The following MLYCD variants were observed in gnomAD, a reference collection of about 807,000 sequenced individuals.
MLYCD encodes malonyl-CoA decarboxylase, mitochondrial.
Under a neutral mutation model 35.8 loss-of-function variants are expected in MLYCD, and 27 were observed. The observed-to-expected ratio is 0.75, with a 90% CI of 0.56 to 1.04. The LOEUF is 1.04. Ranked by LOEUF, MLYCD falls within the 50% of genes least tolerant of loss-of-function variation. The probability of loss-of-function intolerance (pLI) is 0.00; values close to 1 mark genes in which losing one functional copy is unlikely to be tolerated. For missense variants in MLYCD, 917 were observed against 665.1 expected (o/e 1.38, Z -4.17); for synonymous variants, 403 against 302.4 (o/e 1.33, Z -3.45).
rs746261094 is a variant in MLYCD at position 83,899,623 on chromosome 16, A to C, written c.479A>C (p.Asp160Ala). 3 of 1,568,530 alleles carry C rather than the reference A, an allele frequency of 1.9e-6. No individual in the cohort carries two copies. Among genetic ancestry groups the C allele is most frequent in the Non-Finnish European group, 2.6e-6 (3 of 1,166,372 alleles). The change falls in exon 1 of 5, where the codon GAC becomes GCC. Residue 160 changes from aspartate to alanine, a missense_variant. Transcript: ENST00000262430. ...GVRFLVQLRA[D>A]LLEAQALKLV... ...CGCTTCCTGGTGCAGCTGCGGGCCGACCTGCTGGAGGCGCAGGCCCTCAAG... is the reference window on the plus strand; with the variant it reads ...CGCTTCCTGGTGCAGCTGCGGGCCGCCCTGCTGGAGGCGCAGGCCCTCAAG...
In MLYCD at chr16:83,914,647, C is replaced by T. The variant is rs577970006; in HGVS notation, c.949-309C>T. ...AAATATTTCCTGCTGGGTGTGGCGG[C>T]GCGAGCCTGTGGTCCCAGCTACTCA... On this transcript the variant is annotated intron_variant, in intron 4 of 4. Coordinates refer to ENST00000262430, the MANE Select transcript of MLYCD (RefSeq NM_012213.3). 6.3e-4 allele frequency: 262 copies of T among 415,602 alleles called. 1 individual carries two copies. The highest frequency in any genetic ancestry group is 4.7e-3 in the African/African-American group (231 of 49,144). 25.7% of individuals were successfully genotyped at this position (415,602 alleles called of 1,614,324 possible). A position where few individuals can be genotyped will look rare whatever the true frequency, so the allele number is the denominator to read the frequency against.
intron 1 of MLYCD, among the ~76,000 whole-genome samples, chr16:83,904,708 C>T (rs1272000207): frequency 6.6e-6 from 1 of 152,236 alleles, no homozygotes; most frequent in Non-Finnish European, 1.5e-5. Context: ...TCTGGTCCAG[C>T]TGTCTATCTA....
At chr16:83,902,131 A>ATATG (rs1555537754) in intron 1 of MLYCD, among the ~76,000 whole-genome samples, 10,579 of 126,426 alleles carry the variant, frequency 0.084, 479 homozygotes, top group Non-Finnish European at 0.098. Flanking sequence ...GTATGTGTAT[A>ATATG]TGTGTGTGTG....
At position 83,923,741 on chromosome 16, in the gene MLYCD, C is replaced by G. The variant is rs997601730; in HGVS notation, c.*8252C>G. 1 of 152,344 alleles carries G rather than the reference C, an allele frequency of 6.6e-6. No homozygotes were observed. The highest frequency in any genetic ancestry group is 6.5e-5 in the Admixed American group (1 of 15,286). 9.4% of individuals were successfully genotyped at this position (152,344 alleles called of 1,614,324 possible). A position where few individuals can be genotyped will look rare whatever the true frequency, so the allele number is the denominator to read the frequency against. ...AGTTGGGACTCAAACCCAGGCCCGA[C>G]CACCACCCAGCTCTCCTTCCACCGC... is the stretch of plus-strand genomic sequence containing the variant. On this transcript the variant is annotated 3_prime_UTR_variant, in exon 5 of 5. Transcript: ENST00000262430.
At chr16:83,912,899 T>G in intron 4 of MLYCD, 1 of 192,966 alleles carries the variant, frequency 5.2e-6, no homozygotes, top group East Asian at 1.2e-4. Context: ...TTAATCTAAC[T>G]CTCCTCTCTT....
chr16:83,921,641 A>G lies in MLYCD; in HGVS notation c.*6152A>G, dbSNP rs925811069. 6.6e-6 allele frequency: 1 copy of G among 152,156 alleles called. No homozygotes were observed. The highest frequency in any genetic ancestry group is 2.4e-5 in the African/African-American group (1 of 41,422). 9.4% of individuals were successfully genotyped at this position (152,156 alleles called of 1,614,324 possible). On this transcript the variant is annotated 3_prime_UTR_variant, in exon 5 of 5. Transcript: ENST00000262430. The stretch of plus-strand genomic sequence containing the variant: ...CCCTCTATGATACTGCACTGAACCA[A>G]TATTCCCCTCACTTCATGGGTGTTA...
In MLYCD at chr16:83,915,789, G is replaced by A. The variant is rs1282858728; in HGVS notation, c.*300G>A. The stretch of plus-strand genomic sequence containing the variant: ...CTCCCTGCCCGGGGCTGGTGCTGTG[G>A]TACCTACATCTTCAGGAAGCTGTGC... On this transcript the variant is annotated 3_prime_UTR_variant, in exon 5 of 5. Transcript: ENST00000262430. 5 of 1,299,486 alleles carry A rather than the reference G, an allele frequency of 3.8e-6. No homozygotes were observed. The highest frequency in any genetic ancestry group is 4.9e-6 in the Non-Finnish European group (5 of 1,014,550). 80.5% of individuals were successfully genotyped at this position (1,299,486 alleles called of 1,614,324 possible).
At chr16:83,912,491 G>A (rs1907216150) in intron 4 of MLYCD, 124 bp downstream of exon 4, 1 of 1,346,110 alleles carries the variant, frequency 7.4e-7, no homozygotes, top group South Asian at 1.2e-5. Flanking sequence ...GAGGGGCAGG[G>A]GGTAGAAAAG....
Position 83,915,202 on chromosome 16 carries a change from A to T in MLYCD, c.1195A>T (p.Met399Leu). The T allele has an allele frequency of 1.9e-6, 3 of 1,614,088 alleles. No individual in the cohort carries two copies. The highest frequency in any genetic ancestry group is 2.5e-6 in the Non-Finnish European group (3 of 1,179,916). ...GGTGCGGGCGCTGCAGACTCCGCTG[A>T]TGAGGCTGTGCGCCTGGTACCTGTA... ...KLVRALQTPL[M>L]RLCAWYLYGE... Residue 399 changes from methionine (M) to leucine (L), a missense_variant, in exon 5 of 5, where the codon ATG becomes TTG. Physicochemically the swap from Met to Leu is conservative, Grantham distance 15. Transcript: ENST00000262430.
intron 4 of MLYCD, chr16:83,914,215 A>C: frequency 6.5e-6 from 1 of 152,854 alleles, no homozygotes; most frequent in Non-Finnish European, 1.5e-5. Flanking sequence ...TGAGATCTCT[A>C]TCTAGTTGGG....
Position 83,915,406 on chromosome 16 carries a change from T to G in MLYCD, c.1399T>G (p.Ser467Ala). The change falls in exon 5 of 5, where the codon TCC becomes GCC. Residue 467 changes from serine to alanine, a missense_variant. Physicochemically the swap from Ser to Ala is moderately conservative, Grantham distance 99 (BLOSUM62 1). Transcript: ENST00000262430. ...FLEETGPNST[S>A]YLGSKIIKAS... is the part of the protein sequence containing the mutation. ...GGAGGAGACGGGCCCCAACAGCACC[T>G]CCTACCTCGGCTCCAAGATCATCAA... 6.2e-7 allele frequency: 1 copy of G among 1,613,820 alleles called. No homozygotes were observed. The highest frequency in any genetic ancestry group is 8.5e-7 in the Non-Finnish European group (1 of 1,180,040).
At position 83,899,216 on chromosome 16, in the gene MLYCD, GC is replaced by G; in HGVS notation, c.76del (p.Arg26GlyfsTer47). The G allele has an allele frequency of 8.2e-7, 1 of 1,215,410 alleles. No individual in the cohort carries two copies. Among genetic ancestry groups the G allele is most frequent in the Non-Finnish European group, 1.0e-6 (1 of 980,906 alleles). The allele number at this position is 1,215,410 out of a possible 1,614,324, so 75.3% of individuals were successfully genotyped here. ...TGCGGTTGCCCCCGCGGCCGCCCGG[GC>G]CCCGGCTGGCGAGCGGGCAGGCGGC... Reference protein sequence around the residue: ...PLRLPPRPPGPRLASGQAAGA... With the variant: ...PLRLPPRPPGXRLASGQAAGA... On this transcript the variant is annotated frameshift_variant, in exon 1 of 5. Coordinates refer to ENST00000262430, the MANE Select transcript of MLYCD (RefSeq NM_012213.3). LOFTEE classifies it high-confidence loss of function.
Position 83,917,090 on chromosome 16 carries a change from G to A in MLYCD, c.*1601G>A, listed in dbSNP as rs1471618043. ...CACGTCTGTGTGCGTGTGCACGAGC[G>A]TCTCTGTGGATCAGTGCACGTCTGT... is the stretch of plus-strand genomic sequence containing the variant. On this transcript the variant is annotated 3_prime_UTR_variant, in exon 5 of 5. Transcript: ENST00000262430. 3 of 3,188 alleles carry A rather than the reference G, an allele frequency of 9.4e-4. No homozygotes were observed. The highest frequency in any genetic ancestry group is 9.4e-3 in the Admixed American group (1 of 106). The allele number at this position is 3,188 out of a possible 1,614,324, so 0.2% of individuals were successfully genotyped here. A position where few individuals can be genotyped will look rare whatever the true frequency, so the allele number is the denominator to read the frequency against.
rs891659060 is a variant in MLYCD, at chr16:83,916,483, C to T, written c.*994C>T. 3.4e-5 allele frequency: 5 copies of T among 147,636 alleles called. No homozygotes were observed. Among genetic ancestry groups the T allele is most frequent in the Non-Finnish European group, 7.4e-5 (5 of 67,770 alleles). 9.1% of individuals were successfully genotyped at this position (147,636 alleles called of 1,614,324 possible). The stretch of plus-strand genomic sequence containing the variant: ...GCACGTCTGTGTGCGTGTGCACGAG[C>T]GTCTCTGTGTGTATCAGTGCATGTC... On this transcript the variant is annotated 3_prime_UTR_variant, in exon 5 of 5. Transcript: ENST00000262430.
chr16:83,915,704 A>T lies in MLYCD; in HGVS notation c.*215A>T. 6 of 1,441,022 alleles carry T rather than the reference A, an allele frequency of 4.2e-6. No individual in the cohort carries two copies. Among genetic ancestry groups the T allele is most frequent in the Non-Finnish European group, 4.6e-6 (5 of 1,097,598 alleles). The allele number at this position is 1,441,022 out of a possible 1,614,324, so 89.3% of individuals were successfully genotyped here. ...GCAAGACGGTTGTGGGTGCGGGTGC[A>T]CACAAATGAGTGGGTTGCTGTGCTG... On this transcript the variant is annotated 3_prime_UTR_variant, in exon 5 of 5. Coordinates refer to ENST00000262430, the MANE Select transcript of MLYCD (RefSeq NM_012213.3).
rs1485595097 is a variant in MLYCD at position 83,920,948 on chromosome 16, G to A, written c.*5459G>A. On this transcript the variant is annotated 3_prime_UTR_variant, in exon 5 of 5. Transcript: ENST00000262430. ...TGGATGGATGGATGGATGGATGACAGATGGATGGTGGAGGGTTAATGGAAG... is the reference window on the plus strand; with the variant it reads ...TGGATGGATGGATGGATGGATGACAAATGGATGGTGGAGGGTTAATGGAAG... 6.7e-6 allele frequency: 1 copy of A among 149,292 alleles called. No homozygotes were observed. Among genetic ancestry groups the A allele is most frequent in the Admixed American group, 6.7e-5 (1 of 15,010 alleles). The allele number at this position is 149,292 out of a possible 1,614,324, so 9.2% of individuals were successfully genotyped here. A position where few individuals can be genotyped will look rare whatever the true frequency, so the allele number is the denominator to read the frequency against.
chr16:83,900,920 A>G (rs1486090786), intron 1 of MLYCD, among the ~76,000 whole-genome samples: 1 of 152,194 alleles, frequency 6.6e-6, no homozygotes, highest in African/African-American at 2.4e-5. Flanking sequence ...CACCCACCCT[A>G]ATCCAGGGTT....
intron 2 of MLYCD, among the ~76,000 whole-genome samples, chr16:83,907,923 G>T (rs1057319391): frequency 7.9e-5 from 12 of 152,168 alleles, no homozygotes; most frequent in African/African-American, 2.9e-4. Context: ...GCACAATTTT[G>T]TGTGTAAAAT....
chr16:83,908,832 C>T (rs113299092), intron 3 of MLYCD, among the ~76,000 whole-genome samples: 151 of 152,210 alleles, frequency 9.9e-4, no homozygotes, highest in Non-Finnish European at 1.7e-3. Context: ...CCTGCAGGCC[C>T]GTGGGGGCAG....
Sources: allele counts gnomAD v4.1 joint callset (sites outside exome capture counted in the v4.1 genomes callset), GRCh38; gene constraint gnomAD v4.1.1; transcripts MANE v1.5; gene names NCBI Gene and HGNC (gene_info 2026-07-23, HGNC 2026-07-21).